The following HAO1 variants were observed in gnomAD, a reference collection of about 807,000 sequenced individuals.
HAO1 encodes the protein hydroxyacid oxidase 1.
Under a neutral mutation model 39.7 loss-of-function variants are expected in HAO1, and 34 were observed. The observed-to-expected ratio is 0.86, with a 90% CI of 0.65 to 1.14. The LOEUF is 1.14. Ranked by LOEUF, HAO1 falls within the 50% of genes most tolerant of loss-of-function variation. The probability of loss-of-function intolerance (pLI) is 0.00; values close to 1 mark genes in which losing one functional copy is unlikely to be tolerated. For synonymous variants in HAO1, 172 were observed against 173.2 expected (o/e 0.99, Z 0.05); for missense variants, 479 against 464.5 (o/e 1.03, Z -0.29).
At chr20:7,889,998 A>T (rs1412940663) in intron 5 of HAO1, among the ~76,000 whole-genome samples, 1 of 152,040 alleles carries the variant, frequency 6.6e-6, no homozygotes, top group African/African-American at 2.4e-5. Context: ...AAGTACTGAG[A>T]CCTGGACACC....
chr20:7,936,901 C>T (rs1209637152), intron 1 of HAO1, among the ~76,000 whole-genome samples: 2 of 152,060 alleles, frequency 1.3e-5, no homozygotes, highest in East Asian at 3.9e-4. Flanking sequence ...CCAAGCCTTG[C>T]CCAACCCCAC....
At chr20:7,898,945 T>TAA (rs3215460) in intron 4 of HAO1, among the ~76,000 whole-genome samples, 2 of 145,198 alleles carry the variant, frequency 1.4e-5, no homozygotes, top group Admixed American at 6.9e-5. Context: ...AAGTCAAATG[T>TAA]AAAAAAAAAA....
rs60933297 is a variant in HAO1, at chr20:7,917,173, C to G, written c.290-2754G>C. Among the ~76,000 whole-genome samples, 326 of 152,090 alleles carry G rather than the reference C, an allele frequency of 2.1e-3. 1 individual carries two copies. The highest frequency in any genetic ancestry group is 7.6e-3 in the African/African-American group (317 of 41,506). ...TGATCAACATGATAAAACCCTATCT[C>G]TACTGAAAATACAAATATTAGCTGG... On this transcript the variant is annotated intron_variant, in intron 2 of 7. Transcript: ENST00000378789.
chr20:7,918,901 T>C (rs2050318836), intron 2 of HAO1, among the ~76,000 whole-genome samples: 1 of 152,210 alleles, frequency 6.6e-6, no homozygotes, highest in Non-Finnish European at 1.5e-5. Context: ...TTATCCATTG[T>C]CCACAATGAA....
At chr20:7,914,808 A>G (rs2050299024) in intron 2 of HAO1, among the ~76,000 whole-genome samples, 1 of 152,190 alleles carries the variant, frequency 6.6e-6, no homozygotes, top group Non-Finnish European at 1.5e-5. Context: ...ATAAAATGAA[A>G]TGAACACACC....
chr20:7,925,782 C>T (rs1272358349), intron 2 of HAO1, among the ~76,000 whole-genome samples: 3 of 152,100 alleles, frequency 2.0e-5, no homozygotes, highest in African/African-American at 4.8e-5. Flanking sequence ...GAAGCAATCT[C>T]ATGCTCTCAA....
chr20:7,893,654 A>C (rs916250241), intron 5 of HAO1, among the ~76,000 whole-genome samples: 6 of 152,278 alleles, frequency 3.9e-5, no homozygotes, highest in African/African-American at 1.4e-4. Flanking sequence ...GAGCAAGAGG[A>C]CAATTCGACT....
At chr20:7,912,349 A>G (rs971724119) in intron 3 of HAO1, among the ~76,000 whole-genome samples, 3 of 152,130 alleles carry the variant, frequency 2.0e-5, no homozygotes, top group African/African-American at 7.2e-5. Context: ...ATCTAAGTAG[A>G]TGCCTCTGTG....
chr20:7,931,735 T>TCTAAGGAAGCAA (rs1343174155), intron 2 of HAO1, among the ~76,000 whole-genome samples: 1 of 152,168 alleles, frequency 6.6e-6, no homozygotes, highest in East Asian at 1.9e-4. Context: ...AATCATAGTT[T>TCTAAGGAAGCAA]CTAAGGAAGC....
chr20:7,890,201 G>T (rs1307822620), intron 5 of HAO1, among the ~76,000 whole-genome samples: 2 of 144,484 alleles, frequency 1.4e-5, no homozygotes, highest in African/African-American at 5.8e-5. Flanking sequence ...GAGGGTTATG[G>T]TTTGTTTTTT....
At chr20:7,933,030 C>T (rs529192335) in intron 2 of HAO1, among the ~76,000 whole-genome samples, 11 of 152,132 alleles carry the variant, frequency 7.2e-5, no homozygotes, top group South Asian at 4.1e-4. Context: ...ATTCGATATA[C>T]GGAAAATAAA....
At chr20:7,916,428 T>C (rs1014950572) in intron 2 of HAO1, among the ~76,000 whole-genome samples, 5 of 152,150 alleles carry the variant, frequency 3.3e-5, no homozygotes, top group African/African-American at 1.2e-4. Flanking sequence ...ATCCAGTGAG[T>C]TGCTGCTTAT....
At chr20:7,918,921 C>T (rs2050318902) in intron 2 of HAO1, among the ~76,000 whole-genome samples, 2 of 152,230 alleles carry the variant, frequency 1.3e-5, no homozygotes, top group Admixed American at 1.3e-4. Flanking sequence ...AATTCTGACT[C>T]CCTGCTCCCA....
At chr20:7,928,049 A>G (rs76420139) in intron 2 of HAO1, among the ~76,000 whole-genome samples, 3,766 of 152,308 alleles carry the variant, frequency 0.025, 66 homozygotes, top group Middle Eastern at 0.041. Flanking sequence ...GCTGGTGATC[A>G]TCATTTTTCA....
intron 2 of HAO1, among the ~76,000 whole-genome samples, chr20:7,924,139 C>T (rs538223514): frequency 6.6e-6 from 1 of 152,068 alleles, no homozygotes; most frequent in South Asian, 2.1e-4. Context: ...CGCATAATGG[C>T]CCCTCAGTAC....
chr20:7,912,864 G>A (rs73895430), intron 3 of HAO1, among the ~76,000 whole-genome samples: 2,787 of 152,298 alleles, frequency 0.018, 87 homozygotes, highest in African/African-American at 0.063. Context: ...CAGCCTGGTA[G>A]TAACAGGGAG....
chr20:7,927,028 CCTT>C (rs2050362406), intron 2 of HAO1, among the ~76,000 whole-genome samples: 1 of 151,960 alleles, frequency 6.6e-6, no homozygotes, highest in Non-Finnish European at 1.5e-5. Flanking sequence ...AATATTTAAT[CCTT>C]CTTTTCTCTT....
chr20:7,897,925 C>A (rs2050204869), intron 4 of HAO1, among the ~76,000 whole-genome samples: 2 of 147,388 alleles, frequency 1.4e-5, no homozygotes, highest in South Asian at 2.3e-4. Flanking sequence ...AGTGGAAATT[C>A]TTTCTTGGAA....
rs370795443 is a variant in HAO1, at chr20:7,885,693, T to C, written c.972+13A>G. On this transcript the variant is annotated intron_variant, in intron 6 of 7. Transcript: ENST00000378789. ...GTTGTCTATTTTATATATTCATTTC[T>C]TTGTCCAGTTACCTGGAAAGCTAAG... The C allele has an allele frequency of 1.3e-4, 204 of 1,604,896 alleles. No homozygotes were observed. The highest frequency in any genetic ancestry group is 1.6e-4 in the Non-Finnish European group (191 of 1,173,082).
Sources: gnomAD v4.1 joint callset for allele counts (sites outside exome capture counted in the v4.1 genomes callset) on GRCh38, gnomAD v4.1.1 for gene constraint, MANE v1.5 for transcripts, NCBI Gene and HGNC (gene_info 2026-07-23, HGNC 2026-07-21) for gene names.